Variants in TTC13 observed in about 807,000 individuals in gnomAD.
TTC13 encodes the protein tetratricopeptide repeat domain 13.
A neutral mutation model predicts 120.0 loss-of-function variants in TTC13; 62 were observed. The ratio of observed to expected loss-of-function variants is 0.52; its 90% CI spans 0.42 to 0.64. The LOEUF (loss-of-function observed/expected upper bound fraction) is 0.64, where lower values mean the gene tolerates loss of function less well. Among genes scored for constraint, TTC13 ranks in the 30% least tolerant of loss-of-function variants. The pLI, the probability that TTC13 is intolerant of heterozygous loss-of-function variation, is 0.00. For synonymous variants in TTC13, 384 were observed against 393.5 expected, an observed-to-expected ratio of 0.98 and a Z score of 0.28; for missense variants, 824 against 1,050.2, an observed-to-expected ratio of 0.78 and a Z score of 2.98.
intron 2 of TTC13, among the ~76,000 whole-genome samples, chr1:230,959,244 A>G (rs1390876468): frequency 6.6e-6 from 1 of 152,234 alleles, no homozygotes; most frequent in Non-Finnish European, 1.5e-5. Context: ...TATAGGGACG[A>G]GGACAGAAAT....
intron 1 of TTC13, among the ~76,000 whole-genome samples, chr1:230,973,102 A>G (rs1173503717): frequency 6.6e-6 from 1 of 152,232 alleles, no homozygotes; most frequent in African/African-American, 2.4e-5. Context: ...CCAGGAGATG[A>G]AAGGATTGAC....
chr1:230,943,646 T>C (rs1254967491), intron 6 of TTC13, among the ~76,000 whole-genome samples, 160 bp downstream of exon 6: 2 of 152,224 alleles, frequency 1.3e-5, no homozygotes, highest in Non-Finnish European at 2.9e-5. Flanking sequence ...TCCATAGTTT[T>C]CTATTAATTT....
rs575832238 is a variant in TTC13, at chr1:230,949,856, A to G, written c.514-4402T>C. 3.3e-3 allele frequency among the ~76,000 whole-genome samples: 502 copies of G among 152,156 alleles called. 1 individual carries two copies. The highest frequency in any genetic ancestry group is 6.0e-3 in the Non-Finnish European group (411 of 67,978). ...AGTAGAGACGGGGTTTCACCATGTT[A>G]GCCAGGATAGTCTCAATCTCCTGAC... On this transcript the variant is annotated intron_variant, in intron 4 of 22. Transcript: ENST00000366661.
At position 230,940,350 on chromosome 1, in the gene TTC13, C is replaced by T; in HGVS notation, c.789+90G>A. 1.2e-6 allele frequency: 1 copy of T among 830,508 alleles called. No homozygotes were observed. The highest frequency in any genetic ancestry group is 3.4e-4 in the Middle Eastern group (1 of 2,982). 51.4% of individuals were successfully genotyped at this position (830,508 alleles called of 1,614,324 possible). On this transcript the variant is annotated intron_variant, in intron 7 of 22. Coordinates refer to ENST00000366661, the MANE Select transcript of TTC13 (RefSeq NM_024525.5). The surrounding 1 kb of genome is among the most constrained non-coding windows in gnomAD (Gnocchi z 4.1). ...CAGACATATTACTAAACAGTCAAAGCCCAAATCTATCAAAGAGTCACTTTC... is the reference window on the plus strand; with the variant it reads ...CAGACATATTACTAAACAGTCAAAGTCCAAATCTATCAAAGAGTCACTTTC...
intron 4 of TTC13, among the ~76,000 whole-genome samples, chr1:230,947,892 C>A (rs4846882): frequency 0.43 from 65,885 of 151,936 alleles, 15,744 homozygotes; most frequent in Admixed American, 0.55. Context: ...CTCCTGCTCT[C>A]CAGGTCACAC....
At chr1:230,943,673 C>A in intron 6 of TTC13, 133 bp downstream of exon 6, 1 of 607,106 alleles carries the variant, frequency 1.6e-6, no homozygotes, top group Non-Finnish European at 2.8e-6. Flanking sequence ...TGCTTAAAGG[C>A]ATTAAGTACC....
chr1:230,914,311 T>G (rs1246821779), intron 18 of TTC13, among the ~76,000 whole-genome samples: 1 of 152,122 alleles, frequency 6.6e-6, no homozygotes, highest in Non-Finnish European at 1.5e-5. Flanking sequence ...CTCAGCCTAC[T>G]CAACGTGAAG....
In TTC13 at chr1:230,931,840, G is replaced by C; in HGVS notation, c.1021C>G (p.Gln341Glu). The C allele has an allele frequency of 6.2e-7, 1 of 1,614,164 alleles. No individual in the cohort carries two copies. Among genetic ancestry groups the C allele is most frequent in the African/African-American group, 1.3e-5 (1 of 75,042 alleles). The change falls in exon 10 of 23, where the codon CAA (glutamine) becomes GAA (glutamate). Residue 341 changes from glutamine (Q) to glutamate (E), a missense_variant. Transcript: ENST00000366661. The stretch of plus-strand genomic sequence containing the variant: ...TTTTGGTTGAGCAACAGTGCCTTTT[G>C]AAAGCTCTCAGTGGCTGCTTCAAAA... ...GNFEAATESF[Q>E]KALLLNQNHV...
At chr1:230,943,117 CAA>C in intron 6 of TTC13, among the ~76,000 whole-genome samples, 1 of 152,058 alleles carries the variant, frequency 6.6e-6, no homozygotes, top group East Asian at 1.9e-4. Context: ...ACAGTCATAT[CAA>C]GTCTTGCTAA....
chr1:230,958,410 G>A, intron 2 of TTC13, 111 bp from the exon 3 acceptor site: 1 of 1,254,846 alleles, frequency 8.0e-7, no homozygotes, highest in Non-Finnish European at 1.1e-6. Context: ...TTTGATTTAA[G>A]TGGAAGCAAG....
At chr1:230,955,509 A>AC (rs1675983861) in intron 3 of TTC13, among the ~76,000 whole-genome samples, 2 of 147,892 alleles carry the variant, frequency 1.4e-5, no homozygotes, top group African/African-American at 4.9e-5. Context: ...TAAATATACA[A>AC]AAAAAAAAAA....
Position 230,978,126 on chromosome 1 carries a change from C to A in TTC13, c.271+434G>T, listed in dbSNP as rs1678539401. Among the ~76,000 whole-genome samples, 1 of 152,228 alleles carries A rather than the reference C, an allele frequency of 6.6e-6. No individual in the cohort carries two copies. The highest frequency in any genetic ancestry group is 2.1e-4 in the South Asian group (1 of 4,830). ...ATTTCCAGGCCTAAGATGTGCCAGG[C>A]GTCTCCCTCCGGGGGCGGGCTCCGC... On this transcript the variant is annotated intron_variant, in intron 1 of 22. Coordinates refer to ENST00000366661, the MANE Select transcript of TTC13 (RefSeq NM_024525.5). The surrounding 1 kb of genome is among the most constrained non-coding windows in gnomAD (Gnocchi z 5.6).
chr1:230,933,608 A>G (rs1449176597), intron 9 of TTC13, among the ~76,000 whole-genome samples, 171 bp downstream of exon 9: 1 of 152,164 alleles, frequency 6.6e-6, no homozygotes, highest in Non-Finnish European at 1.5e-5. Flanking sequence ...GGTACAATTT[A>G]TTTTTCTGCA....
At chr1:230,909,516 C>T (rs1214500765) in intron 20 of TTC13, among the ~76,000 whole-genome samples, 5 of 152,204 alleles carry the variant, frequency 3.3e-5, no homozygotes, top group Admixed American at 2.0e-4. Context: ...CCTGTAGTCC[C>T]AGCTACTTGG....
rs1671495241 is a variant in TTC13 at position 230,911,500 on chromosome 1, T to C, written c.2279A>G (p.Tyr760Cys). 3 of 1,603,910 alleles carry C rather than the reference T, an allele frequency of 1.9e-6. No homozygotes were observed. Among genetic ancestry groups the C allele is most frequent in the African/African-American group, 2.7e-5 (2 of 74,304 alleles). Reference protein sequence around the residue: ...NLILSLVYYFYNLMPLSRGSS... With the variant: ...NLILSLVYYFCNLMPLSRGSS... ...TCCTCGAGAGAGTGGCATTAAATTA[T>C]AAAAGTAATAAACTAAGGATAAGAT... The change falls in exon 20 of 23, where the codon TAT (tyrosine) becomes TGT (cysteine). Residue 760 changes from tyrosine (Y) to cysteine (C), a missense_variant. Coordinates refer to ENST00000366661, the MANE Select transcript of TTC13 (RefSeq NM_024525.5).
intron 8 of TTC13, among the ~76,000 whole-genome samples, chr1:230,935,080 G>C (rs1673916302): frequency 6.6e-6 from 1 of 152,170 alleles, no homozygotes; most frequent in South Asian, 2.1e-4. Flanking sequence ...GAATATCTAC[G>C]GTTGGGTAGA....
chr1:230,916,767 T>C (rs888750644), intron 17 of TTC13, among the ~76,000 whole-genome samples: 2 of 152,186 alleles, frequency 1.3e-5, no homozygotes, highest in African/African-American at 2.4e-5. Context: ...ACTGGAGAAC[T>C]TCATTCACAC....
intron 11 of TTC13, 150 bp from the exon 12 acceptor site, chr1:230,929,243 T>C (rs1369715580): frequency 1.3e-6 from 1 of 760,624 alleles, no homozygotes. Flanking sequence ...ACTATTAGTA[T>C]ATGATAGAGG....
At chr1:230,943,204 T>C (rs1304435991) in intron 6 of TTC13, among the ~76,000 whole-genome samples, 2 of 152,160 alleles carry the variant, frequency 1.3e-5, no homozygotes, top group Admixed American at 1.3e-4. Context: ...TTTCAATGAA[T>C]ATTATGTGTT....
Sources: gnomAD v4.1 joint callset for allele counts (sites outside exome capture counted in the v4.1 genomes callset) on GRCh38, gnomAD v4.1.1 for gene constraint, Gnocchi (gnomAD v3.1) non-coding constraint, MANE v1.5 for transcripts, NCBI Gene and HGNC (gene_info 2026-07-23, HGNC 2026-07-21) for gene names.